COL23A1: variants seen among roughly 807,000 people sequenced by gnomAD.
COL23A1 encodes the protein collagen alpha-1(XXIII) chain.
COL23A1 carries 97 observed loss-of-function variants against 99.3 expected under a neutral mutation model. The ratio of observed to expected loss-of-function variants is 0.98; its 90% CI spans 0.83 to 1.16. The LOEUF (loss-of-function observed/expected upper bound fraction) is 1.16, where lower values mean the gene tolerates loss of function less well. Among genes scored for constraint, COL23A1 ranks in the 50% most tolerant of loss-of-function variants. The pLI is 0.00. For missense variants in COL23A1, 762 were observed against 757.4 expected (o/e 1.01, Z -0.07); for synonymous variants, 320 against 308.2 (o/e 1.04, Z -0.40).
At chr5:178,364,390 G>C (rs1762344090) in intron 2 of COL23A1, among the ~76,000 whole-genome samples, 1 of 151,836 alleles carries the variant, frequency 6.6e-6, no homozygotes, top group South Asian at 2.1e-4. Flanking sequence ...GCCCCCAGGA[G>C]GGTGAGCTGA....
At chr5:178,502,041 GAAGAT>G (rs1398340399) in intron 2 of COL23A1, among the ~76,000 whole-genome samples, 10 of 152,244 alleles carry the variant, frequency 6.6e-5, no homozygotes, top group African/African-American at 2.4e-4. Context: ...GCATAGAAAA[GAAGAT>G]AAGAATCACG....
chr5:178,422,954 T>C (rs1422866063), intron 2 of COL23A1, among the ~76,000 whole-genome samples: 2 of 152,056 alleles, frequency 1.3e-5, no homozygotes, highest in Non-Finnish European at 2.9e-5. Context: ...AGTTTGAATT[T>C]TGAAGTTTAT....
rs1762326215 is a variant in COL23A1 at position 178,364,139 on chromosome 5, GCCGCGTGTGCTTTTCTGCACATTT to G, written c.362-57244_362-57221del. Among the ~76,000 whole-genome samples the G allele has an allele frequency of 3.3e-5, 5 of 152,184 alleles. No homozygotes were observed. The South Asian group carries it at 1.0e-3, about 32-fold the overall frequency. The stretch of plus-strand genomic sequence containing the variant: ...ATCTTGTGCCACATGGACATTTAAA[GCCGCGTGTGCTTTTCTGCACATTT>G]CCGCCTGTTGGTTTCTGGGCCCCTC... On this transcript the variant is annotated intron_variant, in intron 2 of 28. Transcript: ENST00000390654.
intron 11 of COL23A1, among the ~76,000 whole-genome samples, 169 bp from the exon 12 acceptor site, chr5:178,259,916 C>T (rs1008427457): frequency 6.6e-6 from 1 of 152,200 alleles, no homozygotes; most frequent in African/African-American, 2.4e-5. Context: ...TCTTGAATTC[C>T]ACTTCTGAGC....
Position 178,569,071 on chromosome 5 carries a change from C to T in COL23A1, c.295-8323G>A, listed in dbSNP as rs564564190. 4.6e-5 allele frequency among the ~76,000 whole-genome samples: 7 copies of T among 152,324 alleles called. No individual in the cohort carries two copies. In the East Asian group the frequency reaches 7.7e-4, roughly 17 times the overall value. ...ACGTATGACAGTTCCAATTTCTCCA[C>T]ATTTTTGCCAAAAGATCCTGGTGGA... is the stretch of plus-strand genomic sequence containing the variant. On this transcript the variant is annotated intron_variant, in intron 1 of 28. Coordinates refer to ENST00000390654, the MANE Select transcript of COL23A1 (RefSeq NM_173465.4).
chr5:178,562,427 G>A (rs552968226), intron 1 of COL23A1, among the ~76,000 whole-genome samples: 4 of 151,500 alleles, frequency 2.6e-5, no homozygotes, highest in Non-Finnish European at 4.4e-5. Context: ...GGTGGCGGGC[G>A]CCTGTAGTCC....
intron 2 of COL23A1, among the ~76,000 whole-genome samples, chr5:178,560,449 G>T (rs776345486): frequency 2.4e-4 from 36 of 152,196 alleles, no homozygotes; most frequent in African/African-American, 8.7e-4. Flanking sequence ...AGTCATCTCC[G>T]ACAATGTCTT....
At chr5:178,588,644 T>C (rs1053211160) in intron 1 of COL23A1, among the ~76,000 whole-genome samples, 6 of 152,174 alleles carry the variant, frequency 3.9e-5, no homozygotes, top group African/African-American at 1.2e-4. Context: ...AGCAGCAATT[T>C]TACCCAGAAC....
intron 2 of COL23A1, among the ~76,000 whole-genome samples, chr5:178,465,833 G>T (rs922075556): frequency 2.6e-5 from 4 of 152,220 alleles, no homozygotes; most frequent in African/African-American, 9.7e-5. Flanking sequence ...TGGCGTGCAG[G>T]GGCAGGGAGA....
At chr5:178,429,608 GATTC>G (rs1202300686) in intron 2 of COL23A1, among the ~76,000 whole-genome samples, 3 of 152,182 alleles carry the variant, frequency 2.0e-5, no homozygotes, top group Non-Finnish European at 4.4e-5. Context: ...GTAAAATGTA[GATTC>G]ATTGAGTGCC....
At chr5:178,564,865 C>T (rs1174573522) in intron 1 of COL23A1, among the ~76,000 whole-genome samples, 1 of 152,186 alleles carries the variant, frequency 6.6e-6, no homozygotes, top group African/African-American at 2.4e-5. Flanking sequence ...TGATTTATTC[C>T]TGTAAAACGC....
chr5:178,483,972 T>C (rs1757473822), intron 2 of COL23A1, among the ~76,000 whole-genome samples: 1 of 152,164 alleles, frequency 6.6e-6, no homozygotes. Context: ...AGTTTCACTC[T>C]CATTGCCCAG....
chr5:178,302,424 C>T (rs187317483), intron 3 of COL23A1, among the ~76,000 whole-genome samples: 98 of 96,512 alleles, frequency 1.0e-3, no homozygotes, highest in African/African-American at 3.9e-3. Context: ...GTGTGTGCGC[C>T]GGAGCACGGC....
chr5:178,525,740 G>A (rs1760267747), intron 2 of COL23A1, among the ~76,000 whole-genome samples: 1 of 152,166 alleles, frequency 6.6e-6, no homozygotes, highest in African/African-American at 2.4e-5. Context: ...AGGACCCGAA[G>A]GCTTTATCTA....
chr5:178,357,376 G>T (rs1761717072), intron 2 of COL23A1, among the ~76,000 whole-genome samples: 1 of 152,250 alleles, frequency 6.6e-6, no homozygotes, highest in African/African-American at 2.4e-5. Context: ...CAGCTTGGCT[G>T]CAGGGCTGGG....
At chr5:178,477,431 A>G (rs1230389231) in intron 2 of COL23A1, among the ~76,000 whole-genome samples, 1 of 152,214 alleles carries the variant, frequency 6.6e-6, no homozygotes, top group Non-Finnish European at 1.5e-5. Context: ...CTGAGTCACC[A>G]ATGTAACCCA....
intron 2 of COL23A1, among the ~76,000 whole-genome samples, chr5:178,333,191 C>T (rs1760130720): frequency 6.6e-6 from 1 of 152,086 alleles, no homozygotes; most frequent in Non-Finnish European, 1.5e-5. Context: ...CTCCTGACCT[C>T]GTGATCCACC....
chr5:178,474,998 T>A (rs777192668), intron 2 of COL23A1, among the ~76,000 whole-genome samples: 1 of 152,206 alleles, frequency 6.6e-6, no homozygotes, highest in African/African-American at 2.4e-5. Context: ...CAGCAATCCC[T>A]GCCATTCCTT....
chr5:178,443,115 C>G (rs1766969539), intron 2 of COL23A1: 1 of 152,380 alleles, frequency 6.6e-6, no homozygotes, highest in African/African-American at 2.4e-5. Flanking sequence ...TGGGAGGAAG[C>G]ACCTGCACGT....
Sources: gnomAD v4.1 joint callset for allele counts (sites outside exome capture counted in the v4.1 genomes callset) on GRCh38, gnomAD v4.1.1 for gene constraint, MANE v1.5 for transcripts, NCBI Gene and HGNC (gene_info 2026-07-23, HGNC 2026-07-21) for gene names.